CFAP299: variants seen among roughly 807,000 people sequenced by gnomAD.
CFAP299 encodes cilia and flagella associated protein 299.
CFAP299 carries 21 observed loss-of-function variants against 27.0 expected under a neutral mutation model. The ratio of observed to expected loss-of-function variants is 0.78; its 90% CI spans 0.55 to 1.12. The LOEUF (loss-of-function observed/expected upper bound fraction) is 1.12. Ranked by LOEUF, CFAP299 falls within the 50% of genes most tolerant of loss-of-function variation. The pLI, the probability that CFAP299 is intolerant of heterozygous loss-of-function variation, is 0.00. For missense variants in CFAP299, 310 were observed against 276.6 expected (o/e 1.12, Z -0.86); for synonymous variants, 104 against 98.1 (o/e 1.06, Z -0.36).
intron 2 of CFAP299, among the ~76,000 whole-genome samples, chr4:80,504,505 A>ATATATATATTTT (rs1483255216): frequency 9.1e-6 from 1 of 110,182 alleles, no homozygotes; most frequent in Non-Finnish European, 1.9e-5. Flanking sequence ...ATATATATAT[A>ATATATATATTTT]TTTTCCTTTG....
chr4:80,372,984 C>A (rs1362926170), intron 2 of CFAP299, among the ~76,000 whole-genome samples: 3 of 152,184 alleles, frequency 2.0e-5, no homozygotes, highest in Admixed American at 2.0e-4. Flanking sequence ...ACTGCAACTG[C>A]AATTAGGGCT....
intron 3 of CFAP299, among the ~76,000 whole-genome samples, chr4:80,678,106 TA>T (rs1719587746): frequency 6.6e-6 from 1 of 152,028 alleles, no homozygotes; most frequent in Non-Finnish European, 1.5e-5. Context: ...TTTGGGTATT[TA>T]ACCCTTGGGA....
chr4:80,836,304 C>A (rs28376574), intron 3 of CFAP299, among the ~76,000 whole-genome samples: 6,084 of 152,142 alleles, frequency 0.04, 177 homozygotes, highest in East Asian at 0.13. Flanking sequence ...ACAAAGTTAG[C>A]AGCTTAAAAA....
intron 3 of CFAP299, among the ~76,000 whole-genome samples, chr4:80,749,768 A>G (rs1221835191): frequency 6.6e-6 from 1 of 152,202 alleles, no homozygotes; most frequent in Admixed American, 6.5e-5. Context: ...TGCCTGCTTT[A>G]TTCTAGCGAC....
chr4:80,845,917 A>G (rs1578177315), intron 3 of CFAP299, among the ~76,000 whole-genome samples: 2 of 152,278 alleles, frequency 1.3e-5, no homozygotes, highest in East Asian at 1.9e-4. Flanking sequence ...CAAGCATGCA[A>G]ATGACTCATG....
intron 3 of CFAP299, among the ~76,000 whole-genome samples, chr4:80,631,289 T>A (rs1739193096): frequency 6.6e-6 from 1 of 152,076 alleles, no homozygotes; most frequent in South Asian, 2.1e-4. Context: ...ATAATTCATG[T>A]CTTATTAGTT....
intron 5 of CFAP299, among the ~76,000 whole-genome samples, chr4:80,947,780 A>G (rs983167803): frequency 6.6e-6 from 1 of 152,196 alleles, no homozygotes; most frequent in African/African-American, 2.4e-5. Flanking sequence ...GATGTATTGT[A>G]CATTGCTACA....
intron 2 of CFAP299, among the ~76,000 whole-genome samples, chr4:80,408,767 G>T (rs1458229588): frequency 2.0e-5 from 3 of 151,714 alleles, no homozygotes; most frequent in Non-Finnish European, 2.9e-5. Context: ...GTAAATGGGA[G>T]AAATGGGCAA....
chr4:80,815,241 T>C (rs1331693401), intron 3 of CFAP299, among the ~76,000 whole-genome samples: 1 of 151,354 alleles, frequency 6.6e-6, no homozygotes, highest in Non-Finnish European at 1.5e-5. Flanking sequence ...TGAGAAAAAT[T>C]CAATGAAAGA....
intron 2 of CFAP299, among the ~76,000 whole-genome samples, chr4:80,499,307 G>A (rs908095570): frequency 3.8e-4 from 58 of 152,162 alleles, no homozygotes; most frequent in African/African-American, 1.3e-3. Flanking sequence ...TCTTTTTCTC[G>A]AACATAATTC....
In CFAP299 at chr4:80,955,022, A is replaced by C. The variant is rs1455958880; in HGVS notation, c.607-8495A>C. Among the ~76,000 whole-genome samples, 25 of 107,326 alleles carry C rather than the reference A, an allele frequency of 2.3e-4. 1 individual carries two copies. Among genetic ancestry groups the C allele is most frequent in the Non-Finnish European group, 4.0e-4 (19 of 47,698 alleles). The allele number at this position is 107,326 out of a possible 152,430, so 70.4% of individuals were successfully genotyped here. On this transcript the variant is annotated intron_variant, in intron 5 of 5. Transcript: ENST00000358105. The stretch of plus-strand genomic sequence containing the variant: ...CAAAAAAAAAAAAAAAAAAAAAAAA[A>C]AAAAAAAAAAAACGCACACATGGCC...
chr4:80,771,101 T>C (rs1044973471), intron 3 of CFAP299, among the ~76,000 whole-genome samples: 2 of 151,820 alleles, frequency 1.3e-5, no homozygotes, highest in Admixed American at 6.6e-5. Context: ...TAACAGGGAG[T>C]GGGAGTCATG....
At chr4:80,792,130 G>A (rs1364243923) in intron 3 of CFAP299, among the ~76,000 whole-genome samples, 6 of 151,972 alleles carry the variant, frequency 3.9e-5, no homozygotes, top group Non-Finnish European at 8.8e-5. Context: ...AATAGCCACT[G>A]TGTGTAAATA....
At chr4:80,625,336 T>G (rs1027452209) in intron 3 of CFAP299, among the ~76,000 whole-genome samples, 2 of 152,008 alleles carry the variant, frequency 1.3e-5, no homozygotes, top group African/African-American at 4.8e-5. Flanking sequence ...ACATGTTATA[T>G]TTTTTGTAGG....
intron 1 of CFAP299, 95 bp downstream of exon 1, chr4:80,335,974 A>C: frequency 1.2e-6 from 1 of 800,324 alleles, no homozygotes. Context: ...CTGGCGCTGG[A>C]CAGCTCAGCT....
chr4:80,627,370 T>C (rs1267843071), intron 3 of CFAP299, among the ~76,000 whole-genome samples: 1 of 151,926 alleles, frequency 6.6e-6, no homozygotes, highest in Non-Finnish European at 1.5e-5. Context: ...CTATATATGA[T>C]AAACCCCATA....
At chr4:80,399,506 C>T (rs564669699) in intron 2 of CFAP299, among the ~76,000 whole-genome samples, 8 of 152,112 alleles carry the variant, frequency 5.3e-5, no homozygotes, top group Admixed American at 2.6e-4. Flanking sequence ...GAATACTATA[C>T]GGCCATAAAA....
At position 80,772,207 on chromosome 4, in the gene CFAP299, T is replaced by G. The variant is rs536235016; in HGVS notation, c.334-97786T>G. The stretch of plus-strand genomic sequence containing the variant: ...ACAGATCGTAAAGATTAGTGGTCAA[T>G]AAGAGATTAGTGAATATCCTTTGCT... On this transcript the variant is annotated intron_variant, in intron 3 of 5. Coordinates refer to ENST00000358105, the MANE Select transcript of CFAP299 (RefSeq NM_152770.3). Among the ~76,000 whole-genome samples, 3 of 152,272 alleles carry G rather than the reference T, an allele frequency of 2.0e-5. No homozygotes were observed. In the South Asian group the frequency reaches 6.2e-4, roughly 32 times the overall value.
At chr4:80,840,021 G>A (rs1730776041) in intron 3 of CFAP299, among the ~76,000 whole-genome samples, 1 of 152,092 alleles carries the variant, frequency 6.6e-6, no homozygotes, top group Admixed American at 6.6e-5. Flanking sequence ...GATAATTCTT[G>A]TGAAAACCCA....
Sources: allele counts gnomAD v4.1 joint callset (sites outside exome capture counted in the v4.1 genomes callset), GRCh38; gene constraint gnomAD v4.1.1; transcripts MANE v1.5; gene names NCBI Gene and HGNC (gene_info 2026-07-23, HGNC 2026-07-21).